MFSD2A: variants seen among roughly 807,000 people sequenced by gnomAD.
MFSD2A encodes sodium-dependent lysophosphatidylcholine symporter 1.
MFSD2A carries 27 observed loss-of-function variants against 64.7 expected under a neutral mutation model. The ratio of observed to expected loss-of-function variants is 0.42; its 90% CI spans 0.31 to 0.58. The LOEUF is 0.58. MFSD2A is among the 20% of genes least tolerant of loss of function. MFSD2A has a pLI of 0.18. For missense variants in MFSD2A, 474 were observed against 679.5 expected, an observed-to-expected ratio of 0.70 and a Z score of 3.36; for synonymous variants, 258 against 273.4, an observed-to-expected ratio of 0.94 and a Z score of 0.55.
chr1:39,969,669 G>C lies in MFSD2A; in HGVS notation c.*101G>C. The C allele has an allele frequency of 8.5e-7, 1 of 1,178,988 alleles. No homozygotes were observed. Among genetic ancestry groups the C allele is most frequent in the Non-Finnish European group, 1.2e-6 (1 of 824,776 alleles). The allele number at this position is 1,178,988 out of a possible 1,614,324, so 73.0% of individuals were successfully genotyped here. ...CAGCTGGACTGCAGGTGCTAGGAAG[G>C]GAACTGAAGACTCAAGGAGGTGGCC... On this transcript the variant is annotated 3_prime_UTR_variant, in exon 14 of 14. Transcript: ENST00000372811.
rs1291949666 is a variant in MFSD2A, at chr1:39,958,712, C to G, written c.240C>G (p.Phe80Leu). 6.2e-7 allele frequency: 1 copy of G among 1,614,150 alleles called. No homozygotes were observed. The highest frequency in any genetic ancestry group is 1.1e-5 in the South Asian group (1 of 91,086). Residue 80 changes from phenylalanine to leucine, a missense_variant, in exon 3 of 14, where the codon TTC (phenylalanine) becomes TTG (leucine). Transcript: ENST00000372811. The surrounding 1 kb of genome is among the most constrained non-coding windows in gnomAD (Gnocchi z 4.7). Reference sequence around the variant, plus strand: ...TCTCCTCATTCCAGGTGGGCCCTTTCTCTGCCTCCATCATCCTGTTTGTGG... The same window carrying G: ...TCTCCTCATTCCAGGTGGGCCCTTTGTCTGCCTCCATCATCCTGTTTGTGG... ...YLLDVAQVGP[F>L]SASIILFVGR...
Position 39,965,764 on chromosome 1 carries a change from T to C in MFSD2A, c.557-93T>C. The C allele has an allele frequency of 6.6e-7, 1 of 1,523,370 alleles. No homozygotes were observed. 94.4% of individuals were successfully genotyped at this position (1,523,370 alleles called of 1,614,324 possible). ...CCCCACTACCTCTACCCACCCTGCCTGGAGCTACCGCTGGGCTCCCACCCA... is the reference window on the plus strand; with the variant it reads ...CCCCACTACCTCTACCCACCCTGCCCGGAGCTACCGCTGGGCTCCCACCCA... On this transcript the variant is annotated intron_variant, in intron 5 of 13. Coordinates refer to ENST00000372811, the MANE Select transcript of MFSD2A (RefSeq NM_032793.5). The surrounding 1 kb of genome is among the most constrained non-coding windows in gnomAD (Gnocchi z 5.5).
chr1:39,956,345 G>A (rs113972838), intron 1 of MFSD2A, among the ~76,000 whole-genome samples: 2,734 of 152,320 alleles, frequency 0.018, 38 homozygotes, highest in Middle Eastern at 0.061. Context: ...AGCCAGCTGG[G>A]CCGGGCCCCC....
chr1:39,966,152 A>G (rs1645156450), intron 6 of MFSD2A, 138 bp downstream of exon 6: 6 of 996,326 alleles, frequency 6.0e-6, no homozygotes, highest in Non-Finnish European at 8.7e-6. Context: ...AATGCACCCA[A>G]TATACCTACT....
In MFSD2A at chr1:39,955,779, C is replaced by G; in HGVS notation, c.93+394C>G. On this transcript the variant is annotated intron_variant, in intron 1 of 13. Coordinates refer to ENST00000372811, the MANE Select transcript of MFSD2A (RefSeq NM_032793.5). This position sits in a 1 kb window ranked among gnomAD's most constrained non-coding sequence, Gnocchi z 5.9. ...CATCCCCTACCTCCCACTCCACCCA[C>G]CTACTCTTGCGCCTCAACTCTGCTG... 2.4e-6 allele frequency: 1 copy of G among 418,478 alleles called. No individual in the cohort carries two copies. The highest frequency in any genetic ancestry group is 6.7e-5 in the East Asian group (1 of 14,940). 25.9% of individuals were successfully genotyped at this position (418,478 alleles called of 1,614,324 possible). A position where few individuals can be genotyped will look rare whatever the true frequency, so the allele number is the denominator to read the frequency against.
At chr1:39,959,224 C>CTCTT (rs1295143497) in intron 3 of MFSD2A, among the ~76,000 whole-genome samples, 2 of 151,388 alleles carry the variant, frequency 1.3e-5, no homozygotes, top group Admixed American at 6.6e-5. Context: ...ATCTTTCTTT[C>CTCTT]TCTTTCTTTC....
intron 1 of MFSD2A, among the ~76,000 whole-genome samples, chr1:39,956,415 G>A (rs1644929711): frequency 6.6e-6 from 1 of 152,216 alleles, no homozygotes; most frequent in Admixed American, 6.5e-5. Flanking sequence ...GAGGCAGGGT[G>A]GGAGCCTGGG....
In MFSD2A at chr1:39,965,099, G is replaced by A. The variant is rs1258900940; in HGVS notation, c.354-112G>A. Reference sequence around the variant, plus strand: ...ATTTGGCAGGAGTATGGGGAAGGAAGGAAGAGCTTAGCTTCCTTCCCTGTG... The same window carrying A: ...ATTTGGCAGGAGTATGGGGAAGGAAAGAAGAGCTTAGCTTCCTTCCCTGTG... On this transcript the variant is annotated intron_variant, in intron 3 of 13. Coordinates refer to ENST00000372811, the MANE Select transcript of MFSD2A (RefSeq NM_032793.5). The surrounding 1 kb of genome is among the most constrained non-coding windows in gnomAD (Gnocchi z 5.5). 7 of 1,449,032 alleles carry A rather than the reference G, an allele frequency of 4.8e-6. No homozygotes were observed. The highest frequency in any genetic ancestry group is 6.6e-6 in the Non-Finnish European group (7 of 1,066,920). 89.8% of individuals were successfully genotyped at this position (1,449,032 alleles called of 1,614,324 possible).
intron 3 of MFSD2A, among the ~76,000 whole-genome samples, chr1:39,959,097 G>A (rs1644983196): frequency 6.6e-6 from 1 of 152,124 alleles, no homozygotes; most frequent in Non-Finnish European, 1.5e-5. Flanking sequence ...CCTTGGTGAA[G>A]CTGGAATTCT....
chr1:39,958,896 C>T lies in MFSD2A; in HGVS notation c.353+71C>T, dbSNP rs1347973793. 2.0e-6 allele frequency: 3 copies of T among 1,490,510 alleles called. No homozygotes were observed. The highest frequency in any genetic ancestry group is 4.6e-5 in the East Asian group (2 of 43,664). 92.3% of individuals were successfully genotyped at this position (1,490,510 alleles called of 1,614,324 possible). A position where few individuals can be genotyped will look rare whatever the true frequency, so the allele number is the denominator to read the frequency against. Reference sequence around the variant, plus strand: ...AGCATATCTGCTCCTTGGTCCTTCTCTCTGTCTTGTCACAGGCAGAAGGGT... The same window carrying T: ...AGCATATCTGCTCCTTGGTCCTTCTTTCTGTCTTGTCACAGGCAGAAGGGT... On this transcript the variant is annotated intron_variant, in intron 3 of 13. Transcript: ENST00000372811. The surrounding 1 kb of genome is among the most constrained non-coding windows in gnomAD (Gnocchi z 4.7).
chr1:39,967,475 C>A, intron 9 of MFSD2A, 153 bp from the exon 10 acceptor site: 1 of 726,062 alleles, frequency 1.4e-6, no homozygotes, highest in Non-Finnish European at 2.4e-6. Context: ...CCTGGGGAGC[C>A]GTCAAAGGTG....
chr1:39,966,804 C>T lies in MFSD2A; in HGVS notation c.806-7C>T, dbSNP rs1286000390. 11 of 1,613,888 alleles carry T rather than the reference C, an allele frequency of 6.8e-6. No individual in the cohort carries two copies. The highest frequency in any genetic ancestry group is 3.3e-5 in the Admixed American group (2 of 59,982). On this transcript the variant is annotated splice_region_variant and splice_polypyrimidine_tract_variant and intron_variant, in intron 7 of 13. Coordinates refer to ENST00000372811, the MANE Select transcript of MFSD2A (RefSeq NM_032793.5). ...GCTCCTTCCTCACTGTCCGCTCTGG[C>T]CCCCAGAACCCTATGAAGCCCAGCA...
chr1:39,958,565 T>C lies in MFSD2A; in HGVS notation c.229-136T>C, dbSNP rs113856758. On this transcript the variant is annotated intron_variant, in intron 2 of 13. Transcript: ENST00000372811. This position sits in a 1 kb window ranked among gnomAD's most constrained non-coding sequence, Gnocchi z 4.7. ...TATTAACAAGGCAAGTGAAGATGTG[T>C]AAGGTCCATGTGGGAGCAGCTCAGG... 1,407 of 1,329,452 alleles carry C rather than the reference T, an allele frequency of 1.1e-3. 13 individuals carry two copies. The African/African-American group carries it at 0.018, about 17-fold the overall frequency. 82.4% of individuals were successfully genotyped at this position (1,329,452 alleles called of 1,614,324 possible). A position where few individuals can be genotyped will look rare whatever the true frequency, so the allele number is the denominator to read the frequency against.
chr1:39,967,349 G>A, intron 9 of MFSD2A, 180 bp downstream of exon 9: 1 of 646,994 alleles, frequency 1.5e-6, no homozygotes, highest in East Asian at 2.7e-5. Context: ...GAAAGAGTTT[G>A]AGGTTAGATG....
chr1:39,961,345 C>G (rs893986997), intron 3 of MFSD2A, among the ~76,000 whole-genome samples: 10 of 63,748 alleles, frequency 1.6e-4, no homozygotes, highest in East Asian at 9.4e-4. Flanking sequence ...CCCCCCCCCC[C>G]GCTTTTTTTG....
intron 3 of MFSD2A, among the ~76,000 whole-genome samples, chr1:39,961,450 G>A (rs901755760): frequency 8.6e-5 from 13 of 150,802 alleles, no homozygotes; most frequent in South Asian, 6.3e-4. Flanking sequence ...CTGGGTTCAC[G>A]CCATTCTCCT....
intron 3 of MFSD2A, among the ~76,000 whole-genome samples, chr1:39,959,395 G>A (rs148570555): frequency 5.0e-4 from 76 of 151,846 alleles, no homozygotes; most frequent in African/African-American, 1.7e-3. Flanking sequence ...CTACAGGCAC[G>A]TGCCACCACA....
chr1:39,969,696 A>AGCAAGTGTCCTG lies in MFSD2A; in HGVS notation c.*129_*130insCAAGTGTCCTGG. The AGCAAGTGTCCTG allele has an allele frequency of 1.1e-6, 1 of 910,822 alleles. No homozygotes were observed. The highest frequency in any genetic ancestry group is 1.7e-6 in the Non-Finnish European group (1 of 593,882). The allele number at this position is 910,822 out of a possible 1,614,324, so 56.4% of individuals were successfully genotyped here. Reference sequence around the variant, plus strand: ...AACTGAAGACTCAAGGAGGTGGCCCAGGACACTTGCTGTGCTCACTGTGGG... The same window carrying AGCAAGTGTCCTG: ...AACTGAAGACTCAAGGAGGTGGCCCAGCAAGTGTCCTGGGACACTTGCTGTGCTCACTGTGGG... On this transcript the variant is annotated 3_prime_UTR_variant, in exon 14 of 14. Transcript: ENST00000372811.
At chr1:39,959,738 G>A (rs1374830565) in intron 3 of MFSD2A, among the ~76,000 whole-genome samples, 1 of 151,996 alleles carries the variant, frequency 6.6e-6, no homozygotes, top group African/African-American at 2.4e-5. Flanking sequence ...TACTTCATAA[G>A]GTTGATGTAA....
Sources: gnomAD v4.1 joint callset for allele counts (sites outside exome capture counted in the v4.1 genomes callset) on GRCh38, gnomAD v4.1.1 for gene constraint, Gnocchi (gnomAD v3.1) non-coding constraint, MANE v1.5 for transcripts, NCBI Gene and HGNC (gene_info 2026-07-23, HGNC 2026-07-21) for gene names.